The following CTNNA1 variants were observed in gnomAD, a reference collection of about 807,000 sequenced individuals.
The protein encoded by CTNNA1 is catenin alpha 1, also known as catenin alpha-1.
A neutral mutation model predicts 98.4 loss-of-function variants in CTNNA1; 37 were observed. That is an observed-to-expected ratio of 0.38 (90% CI 0.29 to 0.49). The LOEUF (loss-of-function observed/expected upper bound fraction) is 0.49, where lower values mean the gene tolerates loss of function less well. Among genes scored for constraint, CTNNA1 ranks in the 20% least tolerant of loss-of-function variants. CTNNA1 has a pLI of 0.95. For synonymous variants in CTNNA1, 404 were observed against 413.2 expected, an observed-to-expected ratio of 0.98 and a Z score of 0.27; for missense variants, 761 against 1,147.2, an observed-to-expected ratio of 0.66 and a Z score of 4.86.
intron 7 of CTNNA1, chr5:138,869,022 TTCTTCCCACCCTCAACCCA>T (rs1765076945): frequency 6.7e-6 from 1 of 149,882 alleles, no homozygotes; most frequent in African/African-American, 2.5e-5. Flanking sequence ...TAATAGTATT[TTCTTCCCACCCTCAACCCA>T]TCTGCCCACC....
At chr5:138,911,720 T>A (rs1490563817) in intron 10 of CTNNA1, among the ~76,000 whole-genome samples, 1 of 152,194 alleles carries the variant, frequency 6.6e-6, no homozygotes, top group Admixed American at 6.5e-5. Context: ...ATAATAGATT[T>A]GTGTTGTTTT....
intron 11 of CTNNA1, among the ~76,000 whole-genome samples, chr5:138,918,274 T>C (rs1303494416): frequency 6.6e-6 from 1 of 152,154 alleles, no homozygotes; most frequent in Non-Finnish European, 1.5e-5. Context: ...GAAAAAACAT[T>C]GATCTGTGTC....
intron 9 of CTNNA1, among the ~76,000 whole-genome samples, chr5:138,902,679 A>C (rs1339009971): frequency 6.6e-6 from 1 of 152,188 alleles, no homozygotes; most frequent in Non-Finnish European, 1.5e-5. Flanking sequence ...TCGGCCTCCC[A>C]AAGTGCTGGG....
chr5:138,793,563 AAT>A (rs1189846044), intron 3 of CTNNA1, among the ~76,000 whole-genome samples: 1 of 152,208 alleles, frequency 6.6e-6, no homozygotes, highest in Non-Finnish European at 1.5e-5. Context: ...TTACTGCCTT[AAT>A]ATATTTGTAC....
intron 16 of CTNNA1, chr5:138,931,615 GAC>G: frequency 1.0e-6 from 1 of 985,426 alleles, no homozygotes; most frequent in Non-Finnish European, 1.2e-6. Context: ...AATGTATCTT[GAC>G]ACAAACCAGT....
chr5:138,932,932 T>TGCCA (rs750968589), intron 17 of CTNNA1: 1 of 782,612 alleles, frequency 1.3e-6, no homozygotes, highest in Admixed American at 1.7e-5. Flanking sequence ...AAGGCTGGCC[T>TGCCA]CCTCCCCTTT....
rs869240008 is a variant in CTNNA1, at chr5:138,852,871, G to GCGCGCA, written c.1062+25154_1062+25155insGCGCAC. ...CCCTTCCCTCTTTTCGCGCGCGCGCGCACACACACATTTTTGCATAGGTGT... is the reference window on the plus strand; with the variant it reads ...CCCTTCCCTCTTTTCGCGCGCGCGCGCGCGCACACACACACATTTTTGCATAGGTGT... On this transcript the variant is annotated intron_variant, in intron 7 of 17. Coordinates refer to ENST00000302763, the MANE Select transcript of CTNNA1 (RefSeq NM_001903.5). 5.2e-3 allele frequency among the ~76,000 whole-genome samples: 783 copies of GCGCGCA among 151,350 alleles called. 14 individuals carry two copies. Among genetic ancestry groups the GCGCGCA allele is most frequent in the East Asian group, 0.041 (207 of 5,042 alleles).
rs1444560421 is a variant in CTNNA1, at chr5:138,871,292, T to C, written c.1063-14920T>C. 3 of 152,208 alleles carry C rather than the reference T, an allele frequency of 2.0e-5. No individual in the cohort carries two copies. Among genetic ancestry groups the C allele is most frequent in the Admixed American group, 1.3e-4 (2 of 15,284 alleles). The allele number at this position is 152,208 out of a possible 1,614,324, so 9.4% of individuals were successfully genotyped here. On this transcript the variant is annotated intron_variant, in intron 7 of 17. Transcript: ENST00000302763. ...TTTTTCTACATACAGTAAATGGCAGTTGTAAAAAATGCTCATTTTCTAAAA... is the reference window on the plus strand; with the variant it reads ...TTTTTCTACATACAGTAAATGGCAGCTGTAAAAAATGCTCATTTTCTAAAA...
chr5:138,901,490 T>C (rs1179659716), intron 9 of CTNNA1, among the ~76,000 whole-genome samples: 1 of 151,990 alleles, frequency 6.6e-6, no homozygotes, highest in Admixed American at 6.6e-5. Context: ...GGTCTTGCAG[T>C]CATGGCTTGC....
At chr5:138,856,630 C>G (rs1763755802) in intron 7 of CTNNA1, among the ~76,000 whole-genome samples, 1 of 152,194 alleles carries the variant, frequency 6.6e-6, no homozygotes, top group South Asian at 2.1e-4. Context: ...ACAGGAGCCA[C>G]TGTGCCTGGC....
rs56929645 is a variant in CTNNA1, at chr5:138,852,871, G to GCA, written c.1062+25162_1062+25163dup. Among the ~76,000 whole-genome samples, 62 of 151,240 alleles carry GCA rather than the reference G, an allele frequency of 4.1e-4. 1 individual carries two copies. The highest frequency in any genetic ancestry group is 3.2e-3 in the Middle Eastern group (1 of 314). On this transcript the variant is annotated intron_variant, in intron 7 of 17. Transcript: ENST00000302763. ...CCCTTCCCTCTTTTCGCGCGCGCGC[G>GCA]CACACACACATTTTTGCATAGGTGT...
intron 7 of CTNNA1, among the ~76,000 whole-genome samples, chr5:138,864,901 G>T (rs556011917): frequency 6.6e-6 from 1 of 151,956 alleles, no homozygotes; most frequent in East Asian, 1.9e-4. Flanking sequence ...TACAACCTCC[G>T]CCTTCCAGGT....
chr5:138,863,773 C>T (rs1764495129), intron 7 of CTNNA1, among the ~76,000 whole-genome samples: 1 of 152,186 alleles, frequency 6.6e-6, no homozygotes, highest in South Asian at 2.1e-4. Flanking sequence ...TTCAAATCCA[C>T]CTCCCAAAGA....
chr5:138,810,953 C>T (rs1395783736), intron 4 of CTNNA1, among the ~76,000 whole-genome samples: 1 of 142,164 alleles, frequency 7.0e-6, no homozygotes, highest in African/African-American at 2.5e-5. Context: ...GACGGGGCAG[C>T]TGGCCGGGCA....
chr5:138,781,347 G>A (rs566633111), intron 1 of CTNNA1, among the ~76,000 whole-genome samples: 12 of 152,194 alleles, frequency 7.9e-5, no homozygotes, highest in South Asian at 6.2e-4. Context: ...TCAGGAGATC[G>A]AGACCATCAT....
chr5:138,873,503 G>C lies in CTNNA1; in HGVS notation c.1063-12709G>C. 1 of 1,614,030 alleles carries C rather than the reference G, an allele frequency of 6.2e-7. No homozygotes were observed. The highest frequency in any genetic ancestry group is 1.1e-5 in the South Asian group (1 of 91,080). ...CCAGCAGAGCTGAAATCCATGGACTGCATCTAGAATATCCTCTCCTTGGGT... is the reference window on the plus strand; with the variant it reads ...CCAGCAGAGCTGAAATCCATGGACTCCATCTAGAATATCCTCTCCTTGGGT... On this transcript the variant is annotated intron_variant, in intron 7 of 17. Coordinates refer to ENST00000302763, the MANE Select transcript of CTNNA1 (RefSeq NM_001903.5). The surrounding 1 kb of genome is among the most constrained non-coding windows in gnomAD (Gnocchi z 6.1).
intron 1 of CTNNA1, 87 bp from the exon 2 acceptor site, chr5:138,781,836 C>G: frequency 1.6e-6 from 2 of 1,279,402 alleles, no homozygotes; most frequent in Non-Finnish European, 2.1e-6. Context: ...TTTCCTGATG[C>G]AAAAGTCCCA....
chr5:138,847,589 C>A (rs1762839610), intron 7 of CTNNA1, among the ~76,000 whole-genome samples: 1 of 152,084 alleles, frequency 6.6e-6, no homozygotes, highest in Non-Finnish European at 1.5e-5. Flanking sequence ...GAAGAGAAAC[C>A]TGATGGTGGG....
chr5:138,879,171 TAAAAAAAAAAA>T (rs35271091), intron 7 of CTNNA1, among the ~76,000 whole-genome samples: 2 of 80,318 alleles, frequency 2.5e-5, no homozygotes, highest in Non-Finnish European at 4.5e-5. Flanking sequence ...ACTCCGTCTT[TAAAAAAAAAAA>T]AAAAAAAAAA....
Sources: gnomAD v4.1 joint callset for allele counts (sites outside exome capture counted in the v4.1 genomes callset) on GRCh38, gnomAD v4.1.1 for gene constraint, Gnocchi (gnomAD v3.1) non-coding constraint, MANE v1.5 for transcripts, NCBI Gene and HGNC (gene_info 2026-07-23, HGNC 2026-07-21) for gene names.